RAD18: variants seen among roughly 807,000 people sequenced by gnomAD.
The protein encoded by RAD18 is E3 ubiquitin-protein ligase RAD18.
In RAD18, 47 loss-of-function variants were observed where a neutral mutation model predicts 60.4. The observed-to-expected ratio is 0.78, with a 90% CI of 0.62 to 0.99. The LOEUF is 0.99. Among genes scored for constraint, RAD18 ranks in the 50% least tolerant of loss-of-function variants. The pLI, the probability that RAD18 is intolerant of heterozygous loss-of-function variation, is 0.00. For synonymous variants in RAD18, 225 were observed against 195.5 expected (o/e 1.15, Z -1.26); for missense variants, 640 against 593.3 (o/e 1.08, Z -0.82).
intron 9 of RAD18, among the ~76,000 whole-genome samples, chr3:8,906,641 T>G (rs1940005489): frequency 6.6e-6 from 1 of 152,188 alleles, no homozygotes; most frequent in Non-Finnish European, 1.5e-5. Context: ...CACAGTCCTG[T>G]GCTACCTGTT....
chr3:8,890,262 C>A, intron 12 of RAD18, 127 bp downstream of exon 12: 2 of 690,948 alleles, frequency 2.9e-6, no homozygotes, highest in South Asian at 2.0e-5. Flanking sequence ...AAATCTTTAC[C>A]TTGCATGAGG....
At chr3:8,902,935 AGAG>A (rs1159986777) in intron 9 of RAD18, among the ~76,000 whole-genome samples, 1 of 152,078 alleles carries the variant, frequency 6.6e-6, no homozygotes, top group Non-Finnish European at 1.5e-5. Flanking sequence ...CTGAGGCACA[AGAG>A]TCACTTGAAC....
intron 6 of RAD18, among the ~76,000 whole-genome samples, chr3:8,939,095 T>C (rs985754326): frequency 1.3e-5 from 2 of 152,104 alleles, no homozygotes; most frequent in African/African-American, 2.4e-5. Context: ...TTTTATATCA[T>C]ATATATTTAT....
rs770453502 is a variant in RAD18 at position 8,935,893 on chromosome 3, G to A, written c.867C>T (p.Cys289=). The A allele has an allele frequency of 2.4e-5, 39 of 1,596,272 alleles. No homozygotes were observed. The highest frequency in any genetic ancestry group is 3.5e-4 in the Middle Eastern group (2 of 5,752). The change falls in exon 7 of 13, where the codon TGC becomes TGT. Residue 289 remains cysteine (C), a synonymous_variant. Coordinates refer to ENST00000264926, the MANE Select transcript of RAD18 (RefSeq NM_020165.4). ...QEFVHMYNAQ[C]DALHPKSAAE... ...TACCTGATTTAGGATGCAAAGCATC[G>A]CATTGGGCATTGTACATGTGTACAA...
At chr3:8,902,907 T>G (rs1939939128) in intron 9 of RAD18, among the ~76,000 whole-genome samples, 1 of 151,766 alleles carries the variant, frequency 6.6e-6, no homozygotes. Context: ...GTGCCTATAA[T>G]CCCAGCTACT....
intron 9 of RAD18, among the ~76,000 whole-genome samples, chr3:8,911,260 A>T (rs11717530): frequency 0.12 from 18,104 of 152,142 alleles, 1,209 homozygotes; most frequent in East Asian, 0.24. Context: ...ATATAGTCCA[A>T]ATTTTTCTTA....
Position 8,941,594 on chromosome 3 carries a change from A to G in RAD18, c.477T>C (p.Pro159=). 6.2e-7 allele frequency: 1 copy of G among 1,614,102 alleles called. No individual in the cohort carries two copies. The highest frequency in any genetic ancestry group is 1.3e-5 in the African/African-American group (1 of 75,026). Residue 159 remains proline (P), a synonymous_variant, in exon 5 of 13, where the codon CCT becomes CCC. Coordinates refer to ENST00000264926, the MANE Select transcript of RAD18 (RefSeq NM_020165.4). The stretch of plus-strand genomic sequence containing the variant: ...TTGCAGCAGGGCTCGCCTCTTTTTG[A>G]GGGCTGAATTTGCTTTTATTTTCTT... The part of the protein sequence containing the change: ...LIKENKSKFS[P]QKEASPAAKT...
chr3:8,889,625 G>C (rs955322809), intron 12 of RAD18, among the ~76,000 whole-genome samples: 1 of 152,150 alleles, frequency 6.6e-6, no homozygotes, highest in Non-Finnish European at 1.5e-5. Context: ...AAGTTCAAAG[G>C]CTCTGTGGTG....
chr3:8,914,914 GGATCAC>G (rs967389033), intron 7 of RAD18, among the ~76,000 whole-genome samples: 2 of 152,036 alleles, frequency 1.3e-5, no homozygotes, highest in Non-Finnish European at 2.9e-5. Context: ...CGAAGCGGGT[GGATCAC>G]GAGGTCAGGA....
intron 1 of RAD18, among the ~76,000 whole-genome samples, chr3:8,959,556 C>T (rs1941063597): frequency 6.6e-6 from 1 of 152,186 alleles, no homozygotes; most frequent in East Asian, 1.9e-4. Context: ...CAGTCCAGTG[C>T]TTTCGGCATG....
intron 7 of RAD18, among the ~76,000 whole-genome samples, chr3:8,918,186 C>T (rs1047893721): frequency 2.0e-5 from 3 of 151,938 alleles, no homozygotes; most frequent in Non-Finnish European, 4.4e-5. Context: ...GGCATGGTGG[C>T]TCATGCCTGT....
chr3:8,928,368 A>G (rs1014621525), intron 7 of RAD18, among the ~76,000 whole-genome samples: 8 of 152,296 alleles, frequency 5.3e-5, no homozygotes, highest in African/African-American at 1.7e-4. Context: ...AAACCCTACA[A>G]TTTAATGGTA....
chr3:8,892,414 C>T (rs1450240877), intron 11 of RAD18, among the ~76,000 whole-genome samples: 1 of 152,152 alleles, frequency 6.6e-6, no homozygotes, highest in Admixed American at 6.5e-5. Flanking sequence ...GACTCACTGG[C>T]AAAGATTCAA....
chr3:8,955,472 T>A (rs995580524), intron 2 of RAD18, among the ~76,000 whole-genome samples: 1 of 152,208 alleles, frequency 6.6e-6, no homozygotes, highest in Admixed American at 6.5e-5. Context: ...GAGGCTGATA[T>A]AGCTCTGCGG....
chr3:8,929,045 C>G (rs189963731), intron 7 of RAD18, among the ~76,000 whole-genome samples: 4 of 152,060 alleles, frequency 2.6e-5, no homozygotes, highest in African/African-American at 7.2e-5. Flanking sequence ...AATATTTTAA[C>G]TGGATGGGAA....
chr3:8,907,341 A>G (rs1030559994), intron 9 of RAD18, among the ~76,000 whole-genome samples: 2 of 152,154 alleles, frequency 1.3e-5, no homozygotes, highest in African/African-American at 4.8e-5. Context: ...GGAAACAGAC[A>G]CCCTCTAAGT....
At chr3:8,883,737 G>T (rs1198781334) in intron 12 of RAD18, among the ~76,000 whole-genome samples, 1 of 152,092 alleles carries the variant, frequency 6.6e-6, no homozygotes, top group East Asian at 1.9e-4. Context: ...AGATTCCCAG[G>T]AATATTTTAT....
At chr3:8,952,543 A>G (rs1940943226) in intron 2 of RAD18, among the ~76,000 whole-genome samples, 1 of 152,236 alleles carries the variant, frequency 6.6e-6, no homozygotes, top group Admixed American at 6.5e-5. Flanking sequence ...TTGATTCAAC[A>G]ATGGCAACAA....
chr3:8,909,464 A>T (rs1296808912), intron 9 of RAD18, among the ~76,000 whole-genome samples: 1 of 151,952 alleles, frequency 6.6e-6, no homozygotes, highest in African/African-American at 2.4e-5. Context: ...GACTCGGGGG[A>T]TATTTAGAAG....
Sources: gnomAD v4.1 joint callset for allele counts (sites outside exome capture counted in the v4.1 genomes callset) on GRCh38, gnomAD v4.1.1 for gene constraint, MANE v1.5 for transcripts, NCBI Gene and HGNC (gene_info 2026-07-23, HGNC 2026-07-21) for gene names.